LONP1: variants seen among roughly 807,000 people sequenced by gnomAD.
The protein encoded by LONP1 is lon peptidase 1, mitochondrial, also known as lon protease homolog, mitochondrial.
LONP1 carries 31 observed loss-of-function variants against 98.5 expected under a neutral mutation model. The observed-to-expected ratio is 0.31, with a 90% CI of 0.24 to 0.42. The LOEUF is 0.42. LONP1 is among the 20% of genes least tolerant of loss of function. The probability of loss-of-function intolerance (pLI) is 1.00; values close to 1 mark genes in which losing one functional copy is unlikely to be tolerated. For synonymous variants in LONP1, 781 were observed against 594.7 expected, an observed-to-expected ratio of 1.31 and a Z score of -4.56; for missense variants, 1,336 against 1,350.6, an observed-to-expected ratio of 0.99 and a Z score of 0.17.
intron 9 of LONP1, 104 bp downstream of exon 9, chr19:5,700,685 G>T: frequency 6.8e-7 from 1 of 1,480,958 alleles, no homozygotes; most frequent in Non-Finnish European, 9.2e-7. Flanking sequence ...CCAGGCCTAC[G>T]AATTCACCAG....
chr19:5,705,766 A>G lies in LONP1; in HGVS notation c.1367+6T>C, dbSNP rs1392073349. 4 of 1,613,458 alleles carry G rather than the reference A, an allele frequency of 2.5e-6. No individual in the cohort carries two copies. The highest frequency in any genetic ancestry group is 1.1e-5 in the South Asian group (1 of 91,076). ...AGGGCTGGGCCGCCCCGGGCCTGGC[A>G]CTCACTTGAACTCCGAGGAGTGGTT... On this transcript the variant is annotated splice_donor_region_variant and intron_variant, in intron 8 of 17. Transcript: ENST00000360614.
intron 17 of LONP1, 84 bp from the exon 18 acceptor site, chr19:5,692,292 TG>T (rs1038860454): frequency 1.1e-5 from 15 of 1,374,104 alleles, no homozygotes; most frequent in Non-Finnish European, 1.5e-5. Flanking sequence ...AAGGGCTTCC[TG>T]GGGACCGGCG....
rs573421014 is a variant in LONP1 at position 5,696,279 on chromosome 19, G to A, written c.1866C>T (p.His622=). The A allele has an allele frequency of 1.3e-5, 21 of 1,613,440 alleles. No individual in the cohort carries two copies. The African/African-American group carries it at 2.8e-4, about 21-fold the overall frequency. The change falls in exon 12 of 18, where the codon CAC becomes CAT. Residue 622 remains histidine (H), a synonymous_variant. Coordinates refer to ENST00000360614, the MANE Select transcript of LONP1 (RefSeq NM_004793.4). ...ACAAGTCCACGGGCACGTCCAGGTA[G>A]TGGTCCAGGAAGTTGGCATTCTGCT... ...DPEQNANFLD[H]YLDVPVDLSK...
chr19:5,702,363 A>G (rs1329030092), intron 8 of LONP1, among the ~76,000 whole-genome samples: 1 of 144,014 alleles, frequency 6.9e-6, no homozygotes, highest in African/African-American at 2.6e-5. Flanking sequence ...TGGGGGGGTC[A>G]GCCCCCCGCC....
chr19:5,719,803 C>T lies in LONP1; in HGVS notation c.330G>A (p.Thr110=). Residue 110 remains threonine (T), a synonymous_variant, in exon 1 of 18, where the codon ACG becomes ACA. Transcript: ENST00000360614. ...CGGGGATCGTCATGGGCGTGAGCGC[C>T]GTTATGACCGGGCCTTCCCCGGCGC... is the stretch of plus-strand genomic sequence containing the variant. ...SAGAGEGPVI[T]ALTPMTIPDV... 1 of 1,612,592 alleles carries T rather than the reference C, an allele frequency of 6.2e-7. No homozygotes were observed. Among genetic ancestry groups the T allele is most frequent in the African/African-American group, 1.3e-5 (1 of 75,004 alleles).
chr19:5,696,090 C>A lies in LONP1; in HGVS notation c.1977G>T (p.Ser659=), dbSNP rs1062367. 7.4e-6 allele frequency: 12 copies of A among 1,612,846 alleles called. No homozygotes were observed. In the East Asian group the frequency reaches 2.7e-4, roughly 36 times the overall value. Residue 659 remains serine (S), a synonymous_variant, in exon 13 of 18, where the codon TCG becomes TCT. Transcript: ENST00000360614. Reference sequence around the variant, plus strand: ...CCAGCTTCTCCTGGGCCACGTAGCCCGACACGTTGATCATCTCCATACGGT... The same window carrying A: ...CCAGCTTCTCCTGGGCCACGTAGCCAGACACGTTGATCATCTCCATACGGT... ...LRDRMEMINV[S]GYVAQEKLAI...
rs767191603 is a variant in LONP1, at chr19:5,693,290, A to G, written c.2703+8T>C. On this transcript the variant is annotated splice_region_variant and intron_variant, in intron 17 of 17. Transcript: ENST00000360614. ...CCAGTGCTGTGGGGTGGGTACAGGG[A>G]CACTCACCGCAATGGTCTTCTCCTT... 4 of 1,606,036 alleles carry G rather than the reference A, an allele frequency of 2.5e-6. No homozygotes were observed. The Admixed American group carries it at 5.0e-5, about 20-fold the overall frequency.
At chr19:5,697,514 AGAGAAGAGG>A (rs1308616422) in intron 10 of LONP1, among the ~76,000 whole-genome samples, 5 of 126,872 alleles carry the variant, frequency 3.9e-5, no homozygotes, top group East Asian at 5.0e-4. Context: ...GGAGGGGGGG[AGAGAAGAGG>A]GAGGAGAGGG....
intron 10 of LONP1, among the ~76,000 whole-genome samples, chr19:5,697,170 C>G (rs2054947775): frequency 6.6e-6 from 1 of 152,220 alleles, no homozygotes; most frequent in Non-Finnish European, 1.5e-5. Flanking sequence ...TGTGCTCTGC[C>G]CCAGCACAGG....
chr19:5,692,067 C>A lies in LONP1; in HGVS notation c.2845G>T (p.Asp949Tyr). ...YREIFDIAFP[D>Y]EQAEALAVER is the part of the protein sequence containing the mutation. The stretch of plus-strand genomic sequence containing the variant: ...ACGGCCAGCGCCTCTGCCTGCTCGT[C>A]CGGGAAGGCGATGTCGAAGATCTCC... Residue 949 changes from aspartate (D) to tyrosine (Y), a missense_variant, in exon 18 of 18, where the codon GAC becomes TAC. Physicochemically the swap from Asp to Tyr is radical, Grantham distance 160. Coordinates refer to ENST00000360614, the MANE Select transcript of LONP1 (RefSeq NM_004793.4). The A allele has an allele frequency of 6.2e-7, 1 of 1,610,688 alleles. No homozygotes were observed. Among genetic ancestry groups the A allele is most frequent in the African/African-American group, 1.3e-5 (1 of 74,878 alleles).
Position 5,696,128 on chromosome 19 carries a change from C to G in LONP1, c.1939G>C (p.Glu647Gln). ...CTANVTDTIP[E>Q]PLRDRMEMIN... is the part of the protein sequence containing the mutation. ...ATCTCCATACGGTCTCGCAGCGGCT[C>G]GGGGATGGTGTCCGTGACGTTGGCC... The change falls in exon 13 of 18, where the codon GAG becomes CAG. Residue 647 changes from glutamate to glutamine, a missense_variant. Around this residue, in one of 5 missense-constraint regions of LONP1, gnomAD observed 555 missense variants for 542.6 expected, o/e 1.02. Coordinates refer to ENST00000360614, the MANE Select transcript of LONP1 (RefSeq NM_004793.4). The G allele has an allele frequency of 6.2e-7, 1 of 1,613,048 alleles. No homozygotes were observed. The highest frequency in any genetic ancestry group is 8.5e-7 in the Non-Finnish European group (1 of 1,179,914).
intron 14 of LONP1, 90 bp from the exon 15 acceptor site, chr19:5,694,642 C>A: frequency 1.9e-6 from 3 of 1,549,978 alleles, no homozygotes; most frequent in Admixed American, 1.7e-5. Context: ...GTGTGACGGG[C>A]GCGGGGTGGT....
intron 7 of LONP1, 76 bp from the exon 8 acceptor site, chr19:5,706,068 G>A (rs910352904): frequency 4.3e-6 from 4 of 919,662 alleles, no homozygotes; most frequent in Admixed American, 3.6e-5. Context: ...GACGAAGGGG[G>A]ACCCTCTGCT....
rs564301450 is a variant in LONP1, at chr19:5,704,249, G to A, written c.1367+1523C>T. Among the ~76,000 whole-genome samples the A allele has an allele frequency of 2.0e-5, 3 of 152,354 alleles. No individual in the cohort carries two copies. In the East Asian group the frequency reaches 5.8e-4, roughly 29 times the overall value. On this transcript the variant is annotated intron_variant, in intron 8 of 17. Transcript: ENST00000360614. ...AAAGGCAGGAAACGGATTCTCCTCT[G>A]GAGCCTCTGGGAGGGACGGGCCCGG...
chr19:5,696,019 G>A (rs1427593702), intron 13 of LONP1, 35 bp downstream of exon 13: 3 of 1,581,304 alleles, frequency 1.9e-6, no homozygotes, highest in Non-Finnish European at 2.6e-6. Context: ...CCCTGCTCTG[G>A]GAAGGGGACA....
intron 17 of LONP1, 107 bp from the exon 18 acceptor site, chr19:5,692,315 T>C: frequency 8.8e-7 from 1 of 1,134,636 alleles, no homozygotes; most frequent in African/African-American, 1.6e-5. Flanking sequence ...TACACAGTGA[T>C]GCCGGGTTCT....
Position 5,720,082 on chromosome 19 carries a change from C to G in LONP1, c.51G>C (p.Trp17Cys). 6.7e-7 allele frequency: 1 copy of G among 1,500,432 alleles called. No individual in the cohort carries two copies. Among genetic ancestry groups the G allele is most frequent in the Non-Finnish European group, 8.8e-7 (1 of 1,134,124 alleles). The allele number at this position is 1,500,432 out of a possible 1,614,324, so 92.9% of individuals were successfully genotyped here. The change falls in exon 1 of 18, where the codon TGG becomes TGC. Residue 17 changes from tryptophan (W) to cysteine (C), a missense_variant. Physicochemically the swap from Trp to Cys is radical, Grantham distance 215 (BLOSUM62 -2). Coordinates refer to ENST00000360614, the MANE Select transcript of LONP1 (RefSeq NM_004793.4). ...CGGCCAGCATCGGCCGCCGCAGCAC[C>G]CAGCACCGCGCCGCTCCCCACAGTC... is the stretch of plus-strand genomic sequence containing the variant. Reference protein sequence around the residue: ...YVRLWGAARCWVLRRPMLAAA... With the variant: ...YVRLWGAARCCVLRRPMLAAA...
At chr19:5,708,724 C>G (rs2055188833) in intron 4 of LONP1, 2 of 268,606 alleles carry the variant, frequency 7.4e-6, no homozygotes, top group Non-Finnish European at 1.5e-5. Flanking sequence ...TTTAAGAGAC[C>G]AAGTCTTGGC....
At position 5,696,386 on chromosome 19, in the gene LONP1, A is replaced by G. The variant is rs753921360; in HGVS notation, c.1774-15T>C. The G allele has an allele frequency of 6.2e-7, 1 of 1,611,458 alleles. No homozygotes were observed. Among genetic ancestry groups the G allele is most frequent in the Non-Finnish European group, 8.5e-7 (1 of 1,178,982 alleles). ...ATCTTGTCCACCTGGGGCAGCAGAC[A>G]GCAGGTGGTGCCCCTCGCCGTGCCC... On this transcript the variant is annotated splice_polypyrimidine_tract_variant and intron_variant, in intron 11 of 17. Transcript: ENST00000360614.
Sources: allele counts gnomAD v4.1 joint callset (sites outside exome capture counted in the v4.1 genomes callset), GRCh38; gene constraint gnomAD v4.1.1; regional missense constraint gnomAD v4.1.1; transcripts MANE v1.5; gene names NCBI Gene and HGNC (gene_info 2026-07-23, HGNC 2026-07-21).